Variants in ZNF831 observed in about 807,000 individuals in gnomAD.
ZNF831 encodes chromosome 20 open reading frame 174.
Under a neutral mutation model 95.8 loss-of-function variants are expected in ZNF831, and 59 were observed. The observed-to-expected ratio is 0.62, with a 90% CI of 0.50 to 0.77. ZNF831 has a LOEUF of 0.77. ZNF831 is among the 30% of genes least tolerant of loss of function. The pLI is 0.00. For synonymous variants in ZNF831, 961 were observed against 925.5 expected, an observed-to-expected ratio of 1.04 and a Z score of -0.70; for missense variants, 2,205 against 2,164.0, an observed-to-expected ratio of 1.02 and a Z score of -0.38.
chr20:59,187,375 G>A (rs1012801502), intron 1 of ZNF831, among the ~76,000 whole-genome samples: 3 of 152,092 alleles, frequency 2.0e-5, no homozygotes, highest in Non-Finnish European at 2.9e-5. Context: ...TGGTCTTTCC[G>A]TGATGTGAGG....
intron 3 of ZNF831, among the ~76,000 whole-genome samples, chr20:59,200,584 C>G (rs577673602): frequency 2.6e-4 from 40 of 152,232 alleles, no homozygotes; most frequent in African/African-American, 9.4e-4. Flanking sequence ...ACATATCTGT[C>G]AAGCCCAAAA....
chr20:59,199,717 G>T (rs1412985120), intron 3 of ZNF831, among the ~76,000 whole-genome samples: 1 of 151,926 alleles, frequency 6.6e-6, no homozygotes, highest in Non-Finnish European at 1.5e-5. Context: ...TGTATTATTT[G>T]CCTGTTATAT....
upstream of ZNF831, among the ~76,000 whole-genome samples, chr20:59,159,071 A>G (rs991443219): frequency 2.0e-5 from 3 of 152,276 alleles, no homozygotes; most frequent in East Asian, 1.9e-4. Flanking sequence ...TACAAAAAAT[A>G]TCACATCAAT....
At chr20:59,187,089 A>G (rs1395751663) in intron 1 of ZNF831, among the ~76,000 whole-genome samples, 1 of 152,134 alleles carries the variant, frequency 6.6e-6, no homozygotes, top group Non-Finnish European at 1.5e-5. Flanking sequence ...ACTGCCAGGA[A>G]GCGTTCCCAC....
chr20:59,165,368 G>A (rs574246870), intron 1 of ZNF831, among the ~76,000 whole-genome samples: 1 of 152,268 alleles, frequency 6.6e-6, no homozygotes, highest in South Asian at 2.1e-4. Context: ...ACAGACACAG[G>A]GAGAGTCTAC....
intron 4 of ZNF831, among the ~76,000 whole-genome samples, chr20:59,219,089 A>G (rs1186384985): frequency 4.6e-5 from 7 of 152,184 alleles, no homozygotes; most frequent in African/African-American, 1.4e-4. Context: ...GCAAGTAATC[A>G]CAGCAGATGT....
chr20:59,225,045 A>C (rs1381353620), intron 4 of ZNF831, among the ~76,000 whole-genome samples: 1 of 151,568 alleles, frequency 6.6e-6, no homozygotes, highest in Non-Finnish European at 1.5e-5. Context: ...TCTTTTCATT[A>C]GTCTATATCT....
In ZNF831 at chr20:59,217,160, C is replaced by CTGTGTGTG. The variant is rs1342165265; in HGVS notation, c.4027+10105_4027+10106insGTGTGTGT. Among the ~76,000 whole-genome samples the CTGTGTGTG allele has an allele frequency of 1.0e-3, 120 of 114,790 alleles. No individual in the cohort carries two copies. The highest frequency in any genetic ancestry group is 3.7e-3 in the African/African-American group (83 of 22,344). 75.3% of individuals were successfully genotyped at this position (114,790 alleles called of 152,430 possible). A position where few individuals can be genotyped will look rare whatever the true frequency, so the allele number is the denominator to read the frequency against. ...TGGAGTACATCTGACAGATCTTCAT[C>CTGTGTGTG]TCTGTGTGTGTGTGTGTGTGTGTGT... On this transcript the variant is annotated intron_variant, in intron 4 of 5. Transcript: ENST00000371030. This position sits in a 1 kb window ranked among gnomAD's most constrained non-coding sequence, Gnocchi z 4.4.
At position 59,206,980 on chromosome 20, in the gene ZNF831, A is replaced by G; in HGVS notation, c.3951A>G (p.Arg1317=). The G allele has an allele frequency of 6.2e-7, 1 of 1,614,236 alleles. No individual in the cohort carries two copies. Among genetic ancestry groups the G allele is most frequent in the East Asian group, 2.2e-5 (1 of 44,884 alleles). The change falls in exon 4 of 6, where the codon AGA becomes AGG. Residue 1317 remains arginine (R), a synonymous_variant. Transcript: ENST00000371030. The part of the protein sequence containing the change: ...SRLRTPTWVR[R]RSRHPPALEG... Reference sequence around the variant, plus strand: ...TTCGCACACCAACCTGGGTGCGAAGAAGAAGCCGCCACCCTCCCGCACTTG... The same window carrying G: ...TTCGCACACCAACCTGGGTGCGAAGGAGAAGCCGCCACCCTCCCGCACTTG...
In ZNF831 at chr20:59,195,992, A is replaced by G. The variant is rs752126587; in HGVS notation, c.3862A>G (p.Ile1288Val). ...RGNSKQRKLK[I>V]NPKRYKGNFL... The stretch of plus-strand genomic sequence containing the variant: ...GAACAGCAAGCAGAGAAAACTGAAG[A>G]TCAACCCTAAAAGGTAGGATGAGTG... Residue 1288 changes from isoleucine to valine, a missense_variant, in exon 3 of 6, where the codon ATC becomes GTC. Physicochemically the swap from Ile to Val is conservative, Grantham distance 29. Coordinates refer to ENST00000371030, the MANE Select transcript of ZNF831 (RefSeq NM_178457.3). 3.7e-6 allele frequency: 6 copies of G among 1,613,928 alleles called. No homozygotes were observed. The highest frequency in any genetic ancestry group is 5.1e-6 in the Non-Finnish European group (6 of 1,179,966).
At position 59,169,235 on chromosome 20, in the gene ZNF831, T is replaced by C. The variant is rs967100957; in HGVS notation, c.-37+5028T>C. Among the ~76,000 whole-genome samples, 3 of 152,220 alleles carry C rather than the reference T, an allele frequency of 2.0e-5. No homozygotes were observed. Among genetic ancestry groups the C allele is most frequent in the Admixed American group, 6.5e-5 (1 of 15,282 alleles). ...CTGATAAATAGTTATAGTGTGATTCTCATGTGATTCAAATGATCTGTTTCC... is the reference window on the plus strand; with the variant it reads ...CTGATAAATAGTTATAGTGTGATTCCCATGTGATTCAAATGATCTGTTTCC... On this transcript the variant is annotated intron_variant, in intron 1 of 5. Transcript: ENST00000371030. This position sits in a 1 kb window ranked among gnomAD's most constrained non-coding sequence, Gnocchi z 4.1.
chr20:59,194,813 T>G (rs1227134081), intron 2 of ZNF831, 56 bp downstream of exon 2: 2 of 1,493,800 alleles, frequency 1.3e-6, no homozygotes, highest in East Asian at 4.7e-5. Flanking sequence ...TGTTATCCCG[T>G]AAGACCTCTC....
At chr20:59,163,713 CT>C (rs10708774), upstream of ZNF831, among the ~76,000 whole-genome samples, 20,601 of 135,606 alleles carry the variant, frequency 0.15, 1,503 homozygotes, top group African/African-American at 0.23. Context: ...AGCGGTGGCT[CT>C]TTTTTTTTTT....
chr20:59,177,785 C>A lies in ZNF831; in HGVS notation c.-36-13199C>A, dbSNP rs143449537. ...TCTCATGGCAGAAGCAGAGCAGAAGCGTGCAAGCTTCTTGGGACCTAGGCA... is the reference window on the plus strand; with the variant it reads ...TCTCATGGCAGAAGCAGAGCAGAAGAGTGCAAGCTTCTTGGGACCTAGGCA... On this transcript the variant is annotated intron_variant, in intron 1 of 5. Coordinates refer to ENST00000371030, the MANE Select transcript of ZNF831 (RefSeq NM_178457.3). 2.0e-5 allele frequency among the ~76,000 whole-genome samples: 3 copies of A among 152,300 alleles called. No homozygotes were observed. In the South Asian group the frequency reaches 6.2e-4, roughly 32 times the overall value.
chr20:59,137,531 C>T (rs1250665696), intron 1 of ZNF831, among the ~76,000 whole-genome samples: 1 of 152,180 alleles, frequency 6.6e-6, no homozygotes, highest in Non-Finnish European at 1.5e-5. Context: ...TGCATCAGCT[C>T]TCTGCCCCTG....
At position 59,256,883 on chromosome 20, in the gene ZNF831, A is replaced by G. The variant is rs1038976676; in HGVS notation, c.*2140A>G. ...ATCATCCAGCCTATACATGTGGCTCATAGTTCAAAAAATTAAAAGCAAAAC... is the reference window on the plus strand; with the variant it reads ...ATCATCCAGCCTATACATGTGGCTCGTAGTTCAAAAAATTAAAAGCAAAAC... On this transcript the variant is annotated 3_prime_UTR_variant, in exon 6 of 6. Transcript: ENST00000371030. The G allele has an allele frequency of 1.3e-5, 2 of 152,224 alleles. No homozygotes were observed. The highest frequency in any genetic ancestry group is 2.4e-5 in the African/African-American group (1 of 41,460). 9.4% of individuals were successfully genotyped at this position (152,224 alleles called of 1,614,324 possible). A position where few individuals can be genotyped will look rare whatever the true frequency, so the allele number is the denominator to read the frequency against.
intron 2 of ZNF831, among the ~76,000 whole-genome samples, chr20:59,151,724 G>T (rs945184737): frequency 2.0e-5 from 3 of 152,204 alleles, no homozygotes; most frequent in Non-Finnish European, 4.4e-5. Flanking sequence ...TTTTAGCTAA[G>T]ATTGTTTTGT....
Position 59,254,887 on chromosome 20 carries a change from TCCAA to T in ZNF831, c.*150_*153del, listed in dbSNP as rs1483775623. 1.7e-6 allele frequency: 2 copies of T among 1,176,852 alleles called. No individual in the cohort carries two copies. Among genetic ancestry groups the T allele is most frequent in the African/African-American group, 3.1e-5 (2 of 64,618 alleles). The allele number at this position is 1,176,852 out of a possible 1,614,324, so 72.9% of individuals were successfully genotyped here. On this transcript the variant is annotated 3_prime_UTR_variant, in exon 6 of 6. Transcript: ENST00000371030. This position sits in a 1 kb window ranked among gnomAD's most constrained non-coding sequence, Gnocchi z 4.5. ...CATTTTGAGTTATTTACAAGCCAAC[TCCAA>T]CCAACTTCTGACCCCCAACTCAGCC...
chr20:59,252,676 A>C (rs578245780), intron 4 of ZNF831, among the ~76,000 whole-genome samples: 48 of 152,396 alleles, frequency 3.1e-4, no homozygotes, highest in Admixed American at 3.1e-3. Context: ...AGACATGACC[A>C]GGAATACAAC....
Sources: allele counts gnomAD v4.1 joint callset (sites outside exome capture counted in the v4.1 genomes callset), GRCh38; gene constraint gnomAD v4.1.1; non-coding constraint Gnocchi (gnomAD v3.1); transcripts MANE v1.5; gene names NCBI Gene and HGNC (gene_info 2026-07-23, HGNC 2026-07-21).